Variants in CLDN10 observed in about 807,000 individuals in gnomAD.
CLDN10 encodes claudin 10.
Under a neutral mutation model 22.9 loss-of-function variants are expected in CLDN10, and 15 were observed. The observed-to-expected ratio is 0.65, with a 90% confidence interval of 0.44 to 1.01. The LOEUF (loss-of-function observed/expected upper bound fraction) is 1.01, where lower values mean the gene tolerates loss of function less well. Ranked by LOEUF, CLDN10 falls within the 50% of genes least tolerant of loss-of-function variation. The pLI, the probability that CLDN10 is intolerant of heterozygous loss-of-function variation, is 0.00. For missense variants in CLDN10, 247 were observed against 287.8 expected (o/e 0.86, Z 1.03); for synonymous variants, 114 against 111.4 (o/e 1.02, Z -0.15).
intron 1 of CLDN10, among the ~76,000 whole-genome samples, chr13:95,447,109 C>A (rs1282832615): frequency 6.6e-6 from 1 of 152,166 alleles, no homozygotes; most frequent in Non-Finnish European, 1.5e-5. Flanking sequence ...TAAAAACGAC[C>A]CGCCATCCTA....
chr13:95,547,623 T>C (rs997092372), intron 1 of CLDN10, among the ~76,000 whole-genome samples: 1 of 152,312 alleles, frequency 6.6e-6, no homozygotes, highest in South Asian at 2.1e-4. Context: ...CTTGAAGAAG[T>C]GATGCTGAGT....
At chr13:95,479,077 G>A (rs1319304041) in intron 1 of CLDN10, among the ~76,000 whole-genome samples, 1 of 152,216 alleles carries the variant, frequency 6.6e-6, no homozygotes, top group East Asian at 1.9e-4. Flanking sequence ...CCGGCCGGGT[G>A]CAGTGGCTCA....
chr13:95,542,958 A>G (rs1050822138), intron 1 of CLDN10, among the ~76,000 whole-genome samples: 3 of 152,168 alleles, frequency 2.0e-5, no homozygotes, highest in African/African-American at 7.2e-5. Context: ...TAGGCTGGGC[A>G]TGATGGCTCA....
chr13:95,487,878 G>A (rs12876913), intron 1 of CLDN10, among the ~76,000 whole-genome samples: 89,129 of 151,812 alleles, frequency 0.59, 27,180 homozygotes, highest in African/African-American at 0.76. Flanking sequence ...GGGTCTCACA[G>A]TGTTGCTCAA....
At chr13:95,480,672 T>C (rs372008375) in intron 1 of CLDN10, among the ~76,000 whole-genome samples, 2 of 152,326 alleles carry the variant, frequency 1.3e-5, no homozygotes, top group East Asian at 3.9e-4. Context: ...TCAAAAATTC[T>C]GATTCAGGAT....
chr13:95,577,414 A>G lies in CLDN10; in HGVS notation c.572+76A>G. On this transcript the variant is annotated intron_variant, in intron 4 of 4. Transcript: ENST00000299339. ...AATCATTACATGTGGAACAAATTAC[A>G]GATAGTTCATATGATTCTTAGAAAC... 4.2e-6 allele frequency: 4 copies of G among 946,804 alleles called. No homozygotes were observed. In the South Asian group the frequency reaches 5.4e-5, roughly 13 times the overall value. 58.7% of individuals were successfully genotyped at this position (946,804 alleles called of 1,614,324 possible). A position where few individuals can be genotyped will look rare whatever the true frequency, so the allele number is the denominator to read the frequency against.
At chr13:95,517,736 G>C (rs923262009) in intron 1 of CLDN10, among the ~76,000 whole-genome samples, 1 of 152,024 alleles carries the variant, frequency 6.6e-6, no homozygotes, top group African/African-American at 2.4e-5. Context: ...AGGAGTTTGA[G>C]ACCAGCCTGG....
rs1036730178 is a variant in CLDN10, at chr13:95,578,224, A to C, written c.*210A>C. On this transcript the variant is annotated 3_prime_UTR_variant, in exon 5 of 5. Coordinates refer to ENST00000299339, the MANE Select transcript of CLDN10 (RefSeq NM_006984.5). ...TTGTGGCTTTCTATAAAAAATAAAC[A>C]GTTTATTTACAGGATTTGTAAAATG... The C allele has an allele frequency of 8.1e-6, 3 of 372,190 alleles. No homozygotes were observed. The highest frequency in any genetic ancestry group is 6.3e-5 in the African/African-American group (3 of 47,698). The allele number at this position is 372,190 out of a possible 1,614,324, so 23.1% of individuals were successfully genotyped here. A position where few individuals can be genotyped will look rare whatever the true frequency, so the allele number is the denominator to read the frequency against.
chr13:95,537,855 A>G (rs2043416918), intron 1 of CLDN10, among the ~76,000 whole-genome samples: 1 of 152,222 alleles, frequency 6.6e-6, no homozygotes, highest in African/African-American at 2.4e-5. Context: ...CAGCCCCTAA[A>G]AGTGAAACCA....
intron 1 of CLDN10, among the ~76,000 whole-genome samples, chr13:95,500,997 A>T (rs546204743): frequency 1.7e-4 from 26 of 151,968 alleles, no homozygotes; most frequent in East Asian, 3.9e-4. Context: ...TTTTAAAAAA[A>T]TTTTTTTTAA....
intron 1 of CLDN10, among the ~76,000 whole-genome samples, chr13:95,506,982 G>C (rs1018668073): frequency 1.3e-5 from 2 of 152,116 alleles, no homozygotes; most frequent in African/African-American, 4.8e-5. Flanking sequence ...TTAGATCCTT[G>C]TTTTCTCACT....
chr13:95,524,654 T>C (rs141389199), intron 1 of CLDN10, among the ~76,000 whole-genome samples: 2,364 of 152,298 alleles, frequency 0.016, 62 homozygotes, highest in African/African-American at 0.053. Flanking sequence ...ACATTTTCAA[T>C]TACCTTGGAT....
At chr13:95,554,490 C>T (rs1009339342) in intron 1 of CLDN10, among the ~76,000 whole-genome samples, 5 of 152,000 alleles carry the variant, frequency 3.3e-5, no homozygotes, top group African/African-American at 1.2e-4. Flanking sequence ...GGAGGTGGTA[C>T]CATACCTGTT....
At chr13:95,484,031 C>T (rs2042777816) in intron 1 of CLDN10, among the ~76,000 whole-genome samples, 1 of 152,166 alleles carries the variant, frequency 6.6e-6, no homozygotes, top group Admixed American at 6.5e-5. Flanking sequence ...AGTTAGGAAG[C>T]CAACCCTCAC....
At chr13:95,478,571 G>A (rs1477923427) in intron 1 of CLDN10, among the ~76,000 whole-genome samples, 2 of 152,158 alleles carry the variant, frequency 1.3e-5, no homozygotes, top group Admixed American at 6.5e-5. Flanking sequence ...AGGTCTGCCC[G>A]GTGGGTGGGG....
At chr13:95,501,349 T>A (rs920479294) in intron 1 of CLDN10, among the ~76,000 whole-genome samples, 17 of 152,166 alleles carry the variant, frequency 1.1e-4, no homozygotes, top group Non-Finnish European at 2.9e-5. Flanking sequence ...GATCTCACTC[T>A]GTCTCTCAGG....
intron 1 of CLDN10, among the ~76,000 whole-genome samples, chr13:95,486,020 A>G (rs150824603): frequency 5.9e-5 from 9 of 152,310 alleles, no homozygotes; most frequent in Non-Finnish European, 1.2e-4. Flanking sequence ...CCCCCAGGGT[A>G]TAAAACCCAG....
chr13:95,465,462 A>C (rs1262145571), intron 1 of CLDN10, among the ~76,000 whole-genome samples: 1 of 152,248 alleles, frequency 6.6e-6, no homozygotes, highest in African/African-American at 2.4e-5. Flanking sequence ...CAAAATGCTG[A>C]GACTTTAAGG....
chr13:95,570,136 C>A (rs1317805362), intron 3 of CLDN10, among the ~76,000 whole-genome samples: 1 of 152,214 alleles, frequency 6.6e-6, no homozygotes, highest in Non-Finnish European at 1.5e-5. Context: ...TGGCCATGCC[C>A]TAAGGCAGCT....
Sources: gnomAD v4.1 joint callset for allele counts (sites outside exome capture counted in the v4.1 genomes callset) on GRCh38, gnomAD v4.1.1 for gene constraint, MANE v1.5 for transcripts, NCBI Gene and HGNC (gene_info 2026-07-23, HGNC 2026-07-21) for gene names.